The following ATP6V1B2 variants were observed in gnomAD, a reference collection of about 807,000 sequenced individuals.
ATP6V1B2 encodes the protein V-type proton ATPase subunit B, brain isoform.
ATP6V1B2 carries 23 observed loss-of-function variants against 66.7 expected under a neutral mutation model. The ratio of observed to expected loss-of-function variants is 0.34; its 90% CI spans 0.25 to 0.49. The LOEUF is 0.49. Among genes scored for constraint, ATP6V1B2 ranks in the 20% least tolerant of loss-of-function variants. The probability of loss-of-function intolerance (pLI) is 0.99; values close to 1 mark genes in which losing one functional copy is unlikely to be tolerated. For missense variants in ATP6V1B2, 478 were observed against 650.8 expected (o/e 0.73, Z 2.89); for synonymous variants, 278 against 236.7 (o/e 1.17, Z -1.60).
intron 13 of ATP6V1B2, 83 bp from the exon 14 acceptor site, chr8:20,220,180 C>A (rs961001746): frequency 6.9e-7 from 1 of 1,458,272 alleles, no homozygotes; most frequent in Non-Finnish European, 9.2e-7. Flanking sequence ...TAATACACTG[C>A]TAGTCATATA....
At chr8:20,199,107 CGTT>C (rs1166519572) in intron 1 of ATP6V1B2, among the ~76,000 whole-genome samples, 2 of 152,104 alleles carry the variant, frequency 1.3e-5, no homozygotes, top group Admixed American at 1.3e-4. Flanking sequence ...ACTGAAATAA[CGTT>C]GTTTAAAGAG....
intron 2 of ATP6V1B2, among the ~76,000 whole-genome samples, chr8:20,208,334 C>T (rs969698867): frequency 1.3e-5 from 2 of 152,206 alleles, no homozygotes; most frequent in African/African-American, 4.8e-5. Context: ...TTAACTATAT[C>T]TGCTCTGTTT....
intron 9 of ATP6V1B2, chr8:20,214,085 GT>G (rs1235626756): frequency 6.6e-6 from 1 of 152,212 alleles, no homozygotes; most frequent in Non-Finnish European, 1.5e-5. Context: ...AGACCGTGCT[GT>G]GAGGAGCACC....
chr8:20,220,216 A>G (rs370295371), intron 13 of ATP6V1B2, 47 bp from the exon 14 acceptor site: 2 of 1,588,466 alleles, frequency 1.3e-6, no homozygotes, highest in Non-Finnish European at 8.6e-7. Flanking sequence ...TAACACTGCT[A>G]AGTTGGAAGT....
rs143242270 is a variant in ATP6V1B2, at chr8:20,211,847, T to C, written c.705+94T>C. The C allele has an allele frequency of 2.0e-5, 22 of 1,081,590 alleles. No homozygotes were observed. The East Asian group carries it at 5.6e-4, about 28-fold the overall frequency. The allele number at this position is 1,081,590 out of a possible 1,614,324, so 67.0% of individuals were successfully genotyped here. On this transcript the variant is annotated intron_variant, in intron 7 of 13. Coordinates refer to ENST00000276390, the MANE Select transcript of ATP6V1B2 (RefSeq NM_001693.4). ...CTGTACATATATAGTTGAATTTTTCTTTAGGTAAAGAATTTGCAATCTGGC... is the reference window on the plus strand; with the variant it reads ...CTGTACATATATAGTTGAATTTTTCCTTAGGTAAAGAATTTGCAATCTGGC...
chr8:20,210,084 A>ATATATATT (rs1178049206), intron 3 of ATP6V1B2, among the ~76,000 whole-genome samples: 1 of 147,648 alleles, frequency 6.8e-6, no homozygotes, highest in African/African-American at 2.5e-5. Flanking sequence ...ATATAAACAT[A>ATATATATT]TATATATTTA....
At position 20,211,177 on chromosome 8, in the gene ATP6V1B2, G is replaced by A; in HGVS notation, c.464G>A (p.Gly155Asp). 6.2e-7 allele frequency: 1 copy of A among 1,610,390 alleles called. No homozygotes were observed. Among genetic ancestry groups the A allele is most frequent in the Non-Finnish European group, 8.5e-7 (1 of 1,178,888 alleles). Residue 155 changes from glycine to aspartate, a missense_variant and splice_region_variant, in exon 6 of 14, where the codon GGT becomes GAT. Gly to Asp is a moderately conservative substitution (Grantham distance 94). Around this residue, in one of 2 missense-constraint regions of ATP6V1B2, gnomAD observed 326 missense variants for 545.6 expected, o/e 0.60. Transcript: ENST00000276390. ...VLAEDFLDIMGQPINPQCRIY... is the reference protein window; with the variant it reads ...VLAEDFLDIMDQPINPQCRIY... ...ATTTTCCTTTTTGGAAATACATTAG[G>A]TCAGCCAATCAACCCTCAATGTCGA...
intron 13 of ATP6V1B2, 76 bp downstream of exon 13, chr8:20,218,358 A>T: frequency 6.4e-7 from 1 of 1,553,164 alleles, no homozygotes; most frequent in Non-Finnish European, 8.7e-7. Flanking sequence ...GCCTAAGAAA[A>T]TTCTCATTGG....
At chr8:20,200,926 G>A (rs2072679210) in intron 1 of ATP6V1B2, among the ~76,000 whole-genome samples, 2 of 152,300 alleles carry the variant, frequency 1.3e-5, no homozygotes, top group Admixed American at 6.5e-5. Flanking sequence ...AAAAGACTAG[G>A]ACACTTATTA....
intron 1 of ATP6V1B2, among the ~76,000 whole-genome samples, chr8:20,200,523 A>T (rs546476096): frequency 3.1e-4 from 47 of 152,370 alleles, no homozygotes; most frequent in Admixed American, 3.1e-3. Flanking sequence ...CTTCAAGATT[A>T]TAGGACTTTT....
intron 3 of ATP6V1B2, among the ~76,000 whole-genome samples, chr8:20,210,130 A>G (rs1052440739): frequency 3.3e-5 from 5 of 150,108 alleles, no homozygotes; most frequent in Admixed American, 6.7e-5. Context: ...ATATATAAAC[A>G]TGCTTAGCTT....
chr8:20,213,004 T>C, intron 9 of ATP6V1B2, 99 bp downstream of exon 9: 1 of 1,488,024 alleles, frequency 6.7e-7, no homozygotes, highest in Non-Finnish European at 9.2e-7. Context: ...GTTTTTTAAT[T>C]CCACTGTTCA....
rs138887483 is a variant in ATP6V1B2 at position 20,216,465 on chromosome 8, C to A, written c.1131C>A (p.Ile377=). 5,294 of 1,613,336 alleles carry A rather than the reference C, an allele frequency of 3.3e-3. 16 individuals are homozygous for A. Among genetic ancestry groups the A allele is most frequent in the Middle Eastern group, 5.6e-3 (34 of 6,058 alleles). The change falls in exon 11 of 14, where the codon ATC becomes ATA. Residue 377 remains isoleucine, a synonymous_variant. Transcript: ENST00000276390. ...CTGGCTACATTACAGAGGGGCAGAT[C>A]TATGTGGACAGACAGCTGCACAACA... ...DLTGYITEGQ[I]YVDRQLHNRQ...
At chr8:20,217,645 G>T (rs1315542158) in intron 12 of ATP6V1B2, among the ~76,000 whole-genome samples, 1 of 152,106 alleles carries the variant, frequency 6.6e-6, no homozygotes, top group Non-Finnish European at 1.5e-5. Context: ...AGGCTACTCT[G>T]ACCTATTTCT....
intron 1 of ATP6V1B2, among the ~76,000 whole-genome samples, chr8:20,199,755 C>T (rs2072665816): frequency 6.6e-6 from 1 of 151,798 alleles, no homozygotes; most frequent in Non-Finnish European, 1.5e-5. Flanking sequence ...GGACTACGGG[C>T]GCACGCCGCC....
intron 2 of ATP6V1B2, among the ~76,000 whole-genome samples, chr8:20,206,215 G>A (rs2072737238): frequency 6.6e-6 from 1 of 152,190 alleles, no homozygotes; most frequent in South Asian, 2.1e-4. Context: ...CACCAGATGT[G>A]TGTGTTTTTT....
At chr8:20,209,381 T>C (rs1461817801) in intron 2 of ATP6V1B2, 52 bp from the exon 3 acceptor site, 1 of 1,540,800 alleles carries the variant, frequency 6.5e-7, no homozygotes, top group African/African-American at 1.4e-5. Flanking sequence ...GTGTAGTAAT[T>C]TGGGGGGCTT....
At chr8:20,198,658 G>A (rs2072653116) in intron 1 of ATP6V1B2, among the ~76,000 whole-genome samples, 1 of 152,166 alleles carries the variant, frequency 6.6e-6, no homozygotes, top group Non-Finnish European at 1.5e-5. Flanking sequence ...CTAGGTGGCC[G>A]ACTGATTAAA....
At chr8:20,217,460 C>T in intron 12 of ATP6V1B2, 136 bp downstream of exon 12, 3 of 714,026 alleles carry the variant, frequency 4.2e-6, no homozygotes, top group South Asian at 3.5e-5. Flanking sequence ...ATGTGGAATA[C>T]ATAATCATTC....
Sources: allele counts gnomAD v4.1 joint callset (sites outside exome capture counted in the v4.1 genomes callset), GRCh38; gene constraint gnomAD v4.1.1; regional missense constraint gnomAD v4.1.1; transcripts MANE v1.5; gene names NCBI Gene and HGNC (gene_info 2026-07-23, HGNC 2026-07-21).